The following MEF2A variants were observed in gnomAD, a reference collection of about 807,000 sequenced individuals.
MEF2A encodes the protein myocyte enhancer factor 2A.
A neutral mutation model predicts 55.8 loss-of-function variants in MEF2A; 28 were observed. That is an observed-to-expected ratio of 0.50 (90% CI 0.37 to 0.69). MEF2A has a LOEUF of 0.69. MEF2A is among the 30% of genes least tolerant of loss of function. The pLI, the probability that MEF2A is intolerant of heterozygous loss-of-function variation, is 0.00. For synonymous variants in MEF2A, 239 were observed against 227.1 expected, an observed-to-expected ratio of 1.05 and a Z score of -0.47; for missense variants, 528 against 626.2, an observed-to-expected ratio of 0.84 and a Z score of 1.67.
At chr15:99,613,881 T>A (rs1000234605) in intron 2 of MEF2A, among the ~76,000 whole-genome samples, 1 of 152,262 alleles carries the variant, frequency 6.6e-6, no homozygotes, top group African/African-American at 2.4e-5. Flanking sequence ...GAAATTGTTT[T>A]AATATTCTAC....
intron 3 of MEF2A, among the ~76,000 whole-genome samples, chr15:99,644,604 T>C (rs184171008): frequency 3.3e-5 from 5 of 152,366 alleles, no homozygotes; most frequent in Admixed American, 3.3e-4. Context: ...ATGATAGGTA[T>C]CCATGGGGAA....
At chr15:99,617,377 T>C (rs777419166) in intron 2 of MEF2A, among the ~76,000 whole-genome samples, 1 of 152,142 alleles carries the variant, frequency 6.6e-6, no homozygotes, top group Non-Finnish European at 1.5e-5. Flanking sequence ...CTTGACACTT[T>C]AGATATGTTA....
rs377551816 is a variant in MEF2A, at chr15:99,694,316, C to G, written c.858+3888C>G. 4.3e-4 allele frequency among the ~76,000 whole-genome samples: 65 copies of G among 152,326 alleles called. 1 individual carries two copies. The South Asian group carries it at 0.013, about 31-fold the overall frequency. On this transcript the variant is annotated intron_variant, in intron 8 of 11. Transcript: ENST00000557942. ...AATTAAGATGCCGTTTTCATCACAT[C>G]ATATCAAGAGTGCCTACTACATTTA...
At chr15:99,631,881 T>A (rs2043003641) in intron 2 of MEF2A, among the ~76,000 whole-genome samples, 1 of 152,206 alleles carries the variant, frequency 6.6e-6, no homozygotes, top group African/African-American at 2.4e-5. Flanking sequence ...AAAGCCAGAT[T>A]TAATCACACA....
intron 7 of MEF2A, among the ~76,000 whole-genome samples, chr15:99,680,771 A>G (rs1482130317): frequency 6.6e-6 from 1 of 152,180 alleles, no homozygotes; most frequent in Non-Finnish European, 1.5e-5. Context: ...AGATTATAAT[A>G]CTTAAGATGG....
intron 5 of MEF2A, among the ~76,000 whole-genome samples, chr15:99,673,843 T>C (rs1364971146): frequency 1.4e-5 from 2 of 144,570 alleles, no homozygotes; most frequent in Non-Finnish European, 3.1e-5. Context: ...AATTGCATTG[T>C]TATGTATATA....
Position 99,633,168 on chromosome 15 carries a change from C to T in MEF2A, c.49C>T (p.Arg17Ter), listed in dbSNP as rs1005984466. 2 of 1,564,822 alleles carry T rather than the reference C, an allele frequency of 1.3e-6. No homozygotes were observed. Among genetic ancestry groups the T allele is most frequent in the Non-Finnish European group, 1.7e-6 (2 of 1,159,648 alleles). ...QITRIMDERN[R>*]QVTFTKRKFG... ...CACACGCATAATGGATGAAAGGAAC[C>T]GACAGGTAAATGAAAATTTTAATTT... is the stretch of plus-strand genomic sequence containing the variant. The change falls in exon 3 of 12, where the codon CGA (arginine) becomes TGA (stop). Residue 17 changes from arginine (R) to a stop codon, truncating the protein, a stop_gained. Transcript: ENST00000557942. LOFTEE classifies it high-confidence loss of function.
intron 4 of MEF2A, among the ~76,000 whole-genome samples, chr15:99,670,043 G>T (rs2050548423): frequency 6.6e-6 from 1 of 152,118 alleles, no homozygotes; most frequent in African/African-American, 2.4e-5. Context: ...AGCCATTTCA[G>T]TGTTGAACCC....
intron 7 of MEF2A, among the ~76,000 whole-genome samples, chr15:99,686,508 C>A (rs147350425): frequency 6.6e-6 from 1 of 152,096 alleles, no homozygotes; most frequent in Non-Finnish European, 1.5e-5. Flanking sequence ...AACTCTTGAC[C>A]GGCAATTATT....
At chr15:99,618,968 G>C (rs1199497775) in intron 2 of MEF2A, among the ~76,000 whole-genome samples, 1 of 152,186 alleles carries the variant, frequency 6.6e-6, no homozygotes, top group African/African-American at 2.4e-5. Flanking sequence ...TAGGTATACT[G>C]GATCTAGGAA....
chr15:99,713,140 C>T lies in MEF2A; in HGVS notation c.*369C>T, dbSNP rs991803372. ...CACTAGCTTGCAGAAACCTAGAGGG[C>T]CCCCTACTTGTTTTATTTAACTGTG... On this transcript the variant is annotated 3_prime_UTR_variant, in exon 12 of 12. Coordinates refer to ENST00000557942, the MANE Select transcript of MEF2A (RefSeq NM_001319206.4). The T allele has an allele frequency of 4.0e-5, 17 of 423,654 alleles. No homozygotes were observed. In the East Asian group the frequency reaches 4.7e-4, roughly 12 times the overall value. 26.2% of individuals were successfully genotyped at this position (423,654 alleles called of 1,614,324 possible).
At chr15:99,670,575 A>C (rs1019285905) in intron 4 of MEF2A, among the ~76,000 whole-genome samples, 1 of 152,104 alleles carries the variant, frequency 6.6e-6, no homozygotes, top group Non-Finnish European at 1.5e-5. Context: ...GTGCCACTGC[A>C]CTCCATCCTG....
chr15:99,585,697 A>G (rs1018121797), intron 1 of MEF2A, among the ~76,000 whole-genome samples: 5 of 129,654 alleles, frequency 3.9e-5, no homozygotes, highest in Non-Finnish European at 5.5e-5. Flanking sequence ...AGCACATTAC[A>G]TGCTTACTTA....
At chr15:99,579,286 GT>G (rs200517628) in intron 1 of MEF2A, among the ~76,000 whole-genome samples, 4 of 148,728 alleles carry the variant, frequency 2.7e-5, no homozygotes, top group African/African-American at 7.4e-5. Context: ...TTGGCTTATA[GT>G]TTTTTTTTCT....
intron 3 of MEF2A, among the ~76,000 whole-genome samples, chr15:99,643,411 T>C (rs2045375281): frequency 6.6e-6 from 1 of 152,320 alleles, no homozygotes; most frequent in South Asian, 2.1e-4. Context: ...TATTTTGTTA[T>C]AATCTAATCT....
rs1204639189 is a variant in MEF2A, at chr15:99,686,966, C to T, written c.671-3275C>T. On this transcript the variant is annotated intron_variant, in intron 7 of 11. Coordinates refer to ENST00000557942, the MANE Select transcript of MEF2A (RefSeq NM_001319206.4). The stretch of plus-strand genomic sequence containing the variant: ...TGTTCGATTGGATTAATTCTGTCAC[C>T]TAGGCTGGAATGTGGTGGCGTGGTC... Among the ~76,000 whole-genome samples the T allele has an allele frequency of 3.3e-5, 5 of 151,486 alleles. No individual in the cohort carries two copies. In the East Asian group the frequency reaches 9.6e-4, roughly 29 times the overall value.
intron 1 of MEF2A, among the ~76,000 whole-genome samples, chr15:99,594,459 C>CTTTTTTTT (rs67846200): frequency 2.4e-5 from 3 of 124,370 alleles, no homozygotes; most frequent in Non-Finnish European, 4.8e-5. Context: ...TCCTTTCTTT[C>CTTTTTTTT]TTTTTTTTTT....
At chr15:99,686,366 T>C (rs1045842801) in intron 7 of MEF2A, among the ~76,000 whole-genome samples, 2 of 152,224 alleles carry the variant, frequency 1.3e-5, no homozygotes, top group South Asian at 4.1e-4. Context: ...TCAGGTTTTG[T>C]TTCAAGATTT....
chr15:99,691,495 C>T (rs963864597), intron 8 of MEF2A, among the ~76,000 whole-genome samples: 17 of 152,074 alleles, frequency 1.1e-4, no homozygotes, highest in African/African-American at 3.4e-4. Context: ...GTCAGGAGTT[C>T]AAGACCAGCC....
Sources: allele counts gnomAD v4.1 joint callset (sites outside exome capture counted in the v4.1 genomes callset), GRCh38; gene constraint gnomAD v4.1.1; transcripts MANE v1.5; gene names NCBI Gene and HGNC (gene_info 2026-07-23, HGNC 2026-07-21).